Variants in ZBTB2 observed in about 807,000 individuals in gnomAD.
ZBTB2 encodes the protein zinc finger and BTB domain-containing protein 2.
A neutral mutation model predicts 39.5 loss-of-function variants in ZBTB2; 2 were observed. The observed-to-expected ratio is 0.05, with a 90% CI of 0.02 to 0.16. The LOEUF (loss-of-function observed/expected upper bound fraction) is 0.16, where lower values mean the gene tolerates loss of function less well. ZBTB2 is among the 10% of genes least tolerant of loss of function. The pLI, the probability that ZBTB2 is intolerant of heterozygous loss-of-function variation, is 1.00. For synonymous variants in ZBTB2, 251 were observed against 256.6 expected (o/e 0.98, Z 0.21); for missense variants, 391 against 653.0 (o/e 0.60, Z 4.37).
chr6:151,375,661 A>C (rs1415998578), intron 1 of ZBTB2, among the ~76,000 whole-genome samples: 1 of 152,112 alleles, frequency 6.6e-6, no homozygotes, highest in East Asian at 1.9e-4. Context: ...GGTTCAAGCA[A>C]TTCTCCTGCC....
In ZBTB2 at chr6:151,371,189, A is replaced by G. The variant is rs1778781811; in HGVS notation, c.173+2276T>C. On this transcript the variant is annotated intron_variant, in intron 2 of 2. Transcript: ENST00000325144. ...TCCTGGGTTATTCTGCAGTTGTCCC[A>G]TCTGCTCCTCCAGACATTGATCAAG... 2.6e-5 allele frequency among the ~76,000 whole-genome samples: 4 copies of G among 152,156 alleles called. No homozygotes were observed. The South Asian group carries it at 8.3e-4, about 32-fold the overall frequency.
intron 1 of ZBTB2, among the ~76,000 whole-genome samples, chr6:151,383,668 G>A (rs1290171637): frequency 6.6e-6 from 1 of 152,072 alleles, no homozygotes; most frequent in Non-Finnish European, 1.5e-5. Context: ...TTAGGGGAGA[G>A]GGGTCCCATC....
chr6:151,374,704 C>T (rs1037804654), intron 1 of ZBTB2, among the ~76,000 whole-genome samples: 7 of 147,598 alleles, frequency 4.7e-5, no homozygotes, highest in Admixed American at 4.1e-4. Flanking sequence ...CAAAGCAAGA[C>T]AGGAAATAAA....
At chr6:151,372,956 C>T (rs1218962380) in intron 2 of ZBTB2, among the ~76,000 whole-genome samples, 1 of 151,808 alleles carries the variant, frequency 6.6e-6, no homozygotes, top group Non-Finnish European at 1.5e-5. Context: ...AGATCGAGAC[C>T]GTCCTGGCTA....
In ZBTB2 at chr6:151,365,478, A is replaced by T; in HGVS notation, c.*43T>A. The T allele has an allele frequency of 6.4e-7, 1 of 1,553,750 alleles. No individual in the cohort carries two copies. The highest frequency in any genetic ancestry group is 8.7e-7 in the Non-Finnish European group (1 of 1,151,830). Reference sequence around the variant, plus strand: ...TGAATTCAGGGAAGGGAGGGAAGATAGTCTTTGTAAAAATGAGAGTTTTTT... The same window carrying T: ...TGAATTCAGGGAAGGGAGGGAAGATTGTCTTTGTAAAAATGAGAGTTTTTT... On this transcript the variant is annotated 3_prime_UTR_variant, in exon 3 of 3. Coordinates refer to ENST00000325144, the MANE Select transcript of ZBTB2 (RefSeq NM_020861.3). This position sits in a 1 kb window ranked among gnomAD's most constrained non-coding sequence, Gnocchi z 5.6.
chr6:151,384,806 T>C (rs1040293674), intron 1 of ZBTB2, among the ~76,000 whole-genome samples: 1 of 152,186 alleles, frequency 6.6e-6, no homozygotes, highest in African/African-American at 2.4e-5. Flanking sequence ...AGAAAAACCA[T>C]GTCCTTAAAT....
intron 1 of ZBTB2, among the ~76,000 whole-genome samples, chr6:151,390,665 G>C (rs1779273326): frequency 6.6e-6 from 1 of 151,644 alleles, no homozygotes; most frequent in Non-Finnish European, 1.5e-5. Flanking sequence ...GGGAGGCGGA[G>C]CCGCAGCAGT....
chr6:151,385,714 A>G (rs1485790112), intron 1 of ZBTB2, among the ~76,000 whole-genome samples: 3 of 152,230 alleles, frequency 2.0e-5, no homozygotes, highest in Non-Finnish European at 4.4e-5. Context: ...CATTACCCAC[A>G]AGTAAGATTG....
chr6:151,386,863 A>G (rs2114881772), intron 1 of ZBTB2, among the ~76,000 whole-genome samples: 1 of 145,192 alleles, frequency 6.9e-6, no homozygotes, highest in Non-Finnish European at 1.5e-5. Context: ...AAATTTTAGA[A>G]ATATTTAATT....
intron 1 of ZBTB2, among the ~76,000 whole-genome samples, chr6:151,385,968 G>A (rs528510775): frequency 6.6e-5 from 10 of 152,204 alleles, no homozygotes; most frequent in Non-Finnish European, 1.5e-4. Context: ...AGAAAAGAGA[G>A]AGGCATAAAC....
intron 1 of ZBTB2, among the ~76,000 whole-genome samples, chr6:151,377,535 A>ATTT (rs769474299): frequency 4.0e-4 from 41 of 103,444 alleles, no homozygotes; most frequent in Non-Finnish European, 5.8e-4. Context: ...TGTCTGGCTA[A>ATTT]TTTTTTTTTT....
At chr6:151,372,803 A>G (rs1778812966) in intron 2 of ZBTB2, among the ~76,000 whole-genome samples, 1 of 152,068 alleles carries the variant, frequency 6.6e-6, no homozygotes, top group African/African-American at 2.4e-5. Flanking sequence ...TTAGATAATG[A>G]GTCCAGGAAA....
At chr6:151,386,534 A>G (rs937416135) in intron 1 of ZBTB2, among the ~76,000 whole-genome samples, 7 of 152,222 alleles carry the variant, frequency 4.6e-5, no homozygotes, top group African/African-American at 1.7e-4. Context: ...ACCCTGTCTC[A>G]AAACAACAAC....
chr6:151,366,401 A>G lies in ZBTB2; in HGVS notation c.665T>C (p.Leu222Pro). 6.2e-7 allele frequency: 1 copy of G among 1,614,088 alleles called. No homozygotes were observed. The highest frequency in any genetic ancestry group is 8.5e-7 in the Non-Finnish European group (1 of 1,180,024). The change falls in exon 3 of 3, where the codon CTG (leucine) becomes CCG (proline). Residue 222 changes from leucine to proline, a missense_variant. By Grantham distance (98) the Leu-to-Pro change is moderately conservative. Around this residue, in one of 7 missense-constraint regions of ZBTB2, gnomAD observed 175 missense variants for 198.6 expected, o/e 0.88. Coordinates refer to ENST00000325144, the MANE Select transcript of ZBTB2 (RefSeq NM_020861.3). The surrounding 1 kb of genome is among the most constrained non-coding windows in gnomAD (Gnocchi z 7.1). The part of the protein sequence containing the change: ...PPPPPGEETN[L>P]EASSSDEQPA... ...CTGCTCATCGGAGGAAGATGCTTCC[A>G]GATTGGTCTCCTCCCCGGGAGGAGG... is the stretch of plus-strand genomic sequence containing the variant.
chr6:151,390,330 G>A (rs1244755813), intron 1 of ZBTB2, among the ~76,000 whole-genome samples: 2 of 125,536 alleles, frequency 1.6e-5, no homozygotes, highest in African/African-American at 3.4e-5. Context: ...GGCCCCCTCC[G>A]GTCTCGCCGG....
chr6:151,387,402 T>C (rs1476517443), intron 1 of ZBTB2, among the ~76,000 whole-genome samples: 2 of 152,192 alleles, frequency 1.3e-5, no homozygotes, highest in Non-Finnish European at 2.9e-5. Flanking sequence ...CATAACAACT[T>C]AGTATTACTG....
intron 1 of ZBTB2, among the ~76,000 whole-genome samples, chr6:151,391,078 A>C (rs1455063629): frequency 4.0e-5 from 3 of 74,862 alleles, no homozygotes; most frequent in Admixed American, 1.6e-4. Context: ...TCCCCCTCCC[A>C]CAAAACCCCG....
intron 1 of ZBTB2, among the ~76,000 whole-genome samples, chr6:151,388,739 ATTAAAG>A (rs1302907560): frequency 6.6e-6 from 1 of 152,234 alleles, no homozygotes; most frequent in African/African-American, 2.4e-5. Flanking sequence ...AAAAGTTGAT[ATTAAAG>A]TTTAAGATAT....
At chr6:151,378,118 T>C (rs1402877112) in intron 1 of ZBTB2, 1 of 152,214 alleles carries the variant, frequency 6.6e-6, no homozygotes, top group Non-Finnish European at 1.5e-5. Context: ...CAATTCTTAA[T>C]CAGCAGGTGC....
Sources: allele counts gnomAD v4.1 joint callset (sites outside exome capture counted in the v4.1 genomes callset), GRCh38; gene constraint gnomAD v4.1.1; regional missense constraint gnomAD v4.1.1; non-coding constraint Gnocchi (gnomAD v3.1); transcripts MANE v1.5; gene names NCBI Gene and HGNC (gene_info 2026-07-23, HGNC 2026-07-21).